Variants in CDH12 observed in about 807,000 individuals in gnomAD.
CDH12 encodes the protein cadherin-12.
A neutral mutation model predicts 74.1 loss-of-function variants in CDH12; 41 were observed. The observed-to-expected ratio is 0.55, with a 90% CI of 0.43 to 0.72. CDH12 has a LOEUF of 0.72. Ranked by LOEUF, CDH12 falls within the 30% of genes least tolerant of loss-of-function variation. The pLI is 0.00. For missense variants in CDH12, 945 were observed against 977.2 expected, an observed-to-expected ratio of 0.97 and a Z score of 0.44; for synonymous variants, 399 against 355.0, an observed-to-expected ratio of 1.12 and a Z score of -1.39.
intron 3 of CDH12, among the ~76,000 whole-genome samples, chr5:22,288,406 T>C (rs1489926627): frequency 6.6e-6 from 1 of 152,184 alleles, no homozygotes; most frequent in Non-Finnish European, 1.5e-5. Context: ...AGATGCTGCT[T>C]CAAAACATTG....
chr5:22,204,162 G>GGTT lies in CDH12; in HGVS notation c.-187+8335_-187+8336insAAC, dbSNP rs1554020485. Among the ~76,000 whole-genome samples the GGTT allele has an allele frequency of 3.3e-3, 427 of 129,844 alleles. 8 individuals are homozygous for GGTT. The highest frequency in any genetic ancestry group is 0.013 in the South Asian group (47 of 3,648). 85.2% of individuals were successfully genotyped at this position (129,844 alleles called of 152,430 possible). On this transcript the variant is annotated intron_variant, in intron 4 of 14. Transcript: ENST00000382254. ...CACGTGTTTTTGTTTTGTTTTGTTT[G>GGTT]TTTTTTTTTTTTTGTTTTTTGTTTT...
At chr5:21,759,226 G>T (rs1314645976) in intron 13 of CDH12, among the ~76,000 whole-genome samples, 1 of 151,300 alleles carries the variant, frequency 6.6e-6, no homozygotes, top group Non-Finnish European at 1.5e-5. Flanking sequence ...TTCTTTGCAG[G>T]TAGAATTTTT....
At chr5:22,207,292 G>T (rs1050550663) in intron 4 of CDH12, among the ~76,000 whole-genome samples, 2 of 150,790 alleles carry the variant, frequency 1.3e-5, no homozygotes, top group Non-Finnish European at 3.0e-5. Context: ...AAAAAATCAT[G>T]CAAGATGAAT....
chr5:22,706,498 T>C (rs571762117), intron 1 of CDH12, among the ~76,000 whole-genome samples: 4 of 152,126 alleles, frequency 2.6e-5, no homozygotes, highest in African/African-American at 7.2e-5. Context: ...TTTTTATAAT[T>C]TATTTGTTTT....
intron 1 of CDH12, among the ~76,000 whole-genome samples, chr5:22,713,907 A>G (rs537141046): frequency 6.6e-6 from 1 of 152,328 alleles, no homozygotes; most frequent in South Asian, 2.1e-4. Context: ...GTTTAAAGTT[A>G]TACTATATTC....
chr5:22,635,494 T>C (rs1738791831), intron 1 of CDH12, among the ~76,000 whole-genome samples: 1 of 152,310 alleles, frequency 6.6e-6, no homozygotes, highest in African/African-American at 2.4e-5. Context: ...AATTTGGATT[T>C]CACCAATGAT....
intron 3 of CDH12, chr5:22,278,198 T>C (rs1035382691): frequency 1.5e-4 from 23 of 152,180 alleles, no homozygotes; most frequent in African/African-American, 5.5e-4. Context: ...AAATCAGTAA[T>C]GCAAAAATCC....
At chr5:22,764,184 A>G (rs1223434789) in intron 1 of CDH12, among the ~76,000 whole-genome samples, 1 of 151,850 alleles carries the variant, frequency 6.6e-6, no homozygotes, top group African/African-American at 2.4e-5. Flanking sequence ...TTTTGATTTT[A>G]CCTCAGGTTT....
At chr5:22,127,776 C>T (rs1342026792) in intron 4 of CDH12, among the ~76,000 whole-genome samples, 7 of 152,268 alleles carry the variant, frequency 4.6e-5, no homozygotes, top group Admixed American at 4.6e-4. Flanking sequence ...GTAGGGTATG[C>T]TATCATCATC....
chr5:22,850,957 A>C (rs1737525930), intron 1 of CDH12, among the ~76,000 whole-genome samples: 1 of 152,128 alleles, frequency 6.6e-6, no homozygotes, highest in African/African-American at 2.4e-5. Context: ...GATTGATTTC[A>C]ACCTATATCC....
At chr5:22,148,202 C>T (rs1262670829) in intron 4 of CDH12, among the ~76,000 whole-genome samples, 2 of 152,178 alleles carry the variant, frequency 1.3e-5, no homozygotes, top group Non-Finnish European at 2.9e-5. Flanking sequence ...CAACTTCATA[C>T]ACCTCTGAGT....
At chr5:22,366,637 T>G (rs1001051928) in intron 3 of CDH12, among the ~76,000 whole-genome samples, 1 of 152,208 alleles carries the variant, frequency 6.6e-6, no homozygotes, top group African/African-American at 2.4e-5. Context: ...TTTCATAAGT[T>G]GACAGATGCA....
chr5:22,354,649 C>G (rs1294561620), intron 3 of CDH12, among the ~76,000 whole-genome samples: 1 of 152,110 alleles, frequency 6.6e-6, no homozygotes, highest in East Asian at 1.9e-4. Flanking sequence ...TAATATTTTT[C>G]CATGTTCCAT....
At chr5:22,503,235 T>C (rs1736245113) in intron 2 of CDH12, among the ~76,000 whole-genome samples, 1 of 151,998 alleles carries the variant, frequency 6.6e-6, no homozygotes, top group African/African-American at 2.4e-5. Context: ...AAGTGAGAAA[T>C]GAATAGAATG....
intron 1 of CDH12, among the ~76,000 whole-genome samples, chr5:22,773,449 T>C (rs371381444): frequency 1.3e-5 from 2 of 152,196 alleles, no homozygotes; most frequent in African/African-American, 4.8e-5. Flanking sequence ...TGGCTAGCCA[T>C]ATGCAGAATG....
rs553003316 is a variant in CDH12, at chr5:21,864,440, G to A, written c.527-9650C>T. On this transcript the variant is annotated intron_variant, in intron 6 of 14. Transcript: ENST00000382254. ...AGAAAAGCTATTTTCTCTTTTGCAT[G>A]TACGTTCTCTCTTGCCCTTCTACCT... 1.0e-3 allele frequency among the ~76,000 whole-genome samples: 154 copies of A among 152,272 alleles called. 1 individual carries two copies. Among genetic ancestry groups the A allele is most frequent in the African/African-American group, 3.6e-3 (151 of 41,566 alleles).
intron 6 of CDH12, among the ~76,000 whole-genome samples, chr5:21,928,782 G>A (rs779510914): frequency 6.6e-6 from 1 of 151,858 alleles, no homozygotes; most frequent in Admixed American, 6.6e-5. Context: ...CCTTTTTAAT[G>A]TAATTTTACA....
Position 22,306,053 on chromosome 5 carries a change from T to C in CDH12, c.-332-93410A>G, listed in dbSNP as rs143242176. 3.6e-3 allele frequency among the ~76,000 whole-genome samples: 542 copies of C among 152,322 alleles called. 1 individual carries two copies. Among genetic ancestry groups the C allele is most frequent in the Non-Finnish European group, 5.7e-3 (389 of 68,034 alleles). ...TACAAACTGACCAATTGAACTGTTA[T>C]AATTCTCTCCCTGTGCCATGCTCTT... On this transcript the variant is annotated intron_variant, in intron 3 of 14. Coordinates refer to ENST00000382254, the MANE Select transcript of CDH12 (RefSeq NM_004061.5).
intron 4 of CDH12, among the ~76,000 whole-genome samples, chr5:22,146,334 C>T (rs1747175135): frequency 6.6e-6 from 1 of 152,004 alleles, no homozygotes; most frequent in Admixed American, 6.6e-5. Context: ...ACAACGGGGT[C>T]ATGAAAACAT....
Sources: allele counts gnomAD v4.1 joint callset (sites outside exome capture counted in the v4.1 genomes callset), GRCh38; gene constraint gnomAD v4.1.1; transcripts MANE v1.5; gene names NCBI Gene and HGNC (gene_info 2026-07-23, HGNC 2026-07-21).